Variants in FAM98C observed in about 807,000 individuals in gnomAD.
FAM98C encodes the protein protein FAM98C.
Under a neutral mutation model 41.1 loss-of-function variants are expected in FAM98C, and 38 were observed. The ratio of observed to expected loss-of-function variants is 0.92; its 90% CI spans 0.71 to 1.21. FAM98C has a LOEUF of 1.21. Ranked by LOEUF, FAM98C falls within the 50% of genes most tolerant of loss-of-function variation. FAM98C has a pLI of 0.00. For missense variants in FAM98C, 493 were observed against 484.7 expected, an observed-to-expected ratio of 1.02 and a Z score of -0.16; for synonymous variants, 195 against 216.7, an observed-to-expected ratio of 0.90 and a Z score of 0.88.
chr19:38,404,978 G>C lies in FAM98C; in HGVS notation c.420G>C (p.Arg140Ser), dbSNP rs751579130. Residue 140 changes from arginine (R) to serine (S), a missense_variant, in exon 4 of 8, where the codon AGG becomes AGC. By Grantham distance (110) the Arg-to-Ser change is moderately radical. Coordinates refer to ENST00000252530, the MANE Select transcript of FAM98C (RefSeq NM_174905.4). ...GCTCTCTGCTGGATCCGAGTCCTAG[G>C]CCACCCCTTGGTGAAGGGGTAGTGG... ...CLRSLLDPSPRPPLGEGVVEG... is the reference protein window; with the variant it reads ...CLRSLLDPSPSPPLGEGVVEG... 2 of 1,614,106 alleles carry C rather than the reference G, an allele frequency of 1.2e-6. No individual in the cohort carries two copies. The highest frequency in any genetic ancestry group is 1.7e-5 in the Admixed American group (1 of 60,008).
chr19:38,408,554 G>C, intron 7 of FAM98C, 197 bp from the exon 8 acceptor site: 1 of 635,000 alleles, frequency 1.6e-6, no homozygotes, highest in South Asian at 2.0e-5. Flanking sequence ...GTGAGACTCC[G>C]TCTCAAAAAA....
rs559497541 is a variant in FAM98C at position 38,408,775 on chromosome 19, CG to C, written c.950del (p.Gly317AlafsTer49). ...NKVLMGNVPD[R>X]GGRPNELEPP... ...GGTGCTTATGGGCAACGTTCCAGAC[CG>C]GGGGGGCCGCCCAAATGAGCTGGAG... On this transcript the variant is annotated frameshift_variant, in exon 8 of 8. Transcript: ENST00000252530. LOFTEE classifies it high-confidence loss of function. The C allele has an allele frequency of 3.1e-6, 5 of 1,613,576 alleles. No homozygotes were observed. The highest frequency in any genetic ancestry group is 1.7e-4 in the Middle Eastern group (1 of 6,056).
rs1324065545 is a variant in FAM98C, at chr19:38,408,743, ACT to A, written c.919-4_919-3del. 6.2e-7 allele frequency: 1 copy of A among 1,613,646 alleles called. No individual in the cohort carries two copies. Among genetic ancestry groups the A allele is most frequent in the African/African-American group, 1.3e-5 (1 of 74,864 alleles). ...TTTCTCTGCAACTCAAATCTCATAA[ACT>A]CTCAGGTGCTTATGGGCAACGTTCC... On this transcript the variant is annotated splice_polypyrimidine_tract_variant and splice_region_variant and intron_variant, in intron 7 of 7. Transcript: ENST00000252530.
intron 3 of FAM98C, 33 bp from the exon 4 acceptor site, chr19:38,404,875 C>T (rs2145174649): frequency 6.2e-7 from 1 of 1,611,910 alleles, no homozygotes. Flanking sequence ...TAGCAGCCTC[C>T]CTGAGTGCAC....
chr19:38,403,476 C>A lies in FAM98C; in HGVS notation c.204C>A (p.Ser68Arg), dbSNP rs927877581. The change falls in exon 2 of 8, where the codon AGC becomes AGA. Residue 68 changes from serine (S) to arginine (R), a missense_variant. Coordinates refer to ENST00000252530, the MANE Select transcript of FAM98C (RefSeq NM_174905.4). ...QQREAGAEVL[S>R]AGDGPGAEED... The stretch of plus-strand genomic sequence containing the variant: ...GAGAGGCGGGCGCGGAGGTGCTGAG[C>A]GCCGGCGACGGTAAACACGGAGCGG... 23 of 1,405,648 alleles carry A rather than the reference C, an allele frequency of 1.6e-5. No individual in the cohort carries two copies. The African/African-American group carries it at 3.3e-4, about 20-fold the overall frequency. The allele number at this position is 1,405,648 out of a possible 1,614,324, so 87.1% of individuals were successfully genotyped here.
At position 38,408,910 on chromosome 19, in the gene FAM98C, G is replaced by A. The variant is rs1971100928; in HGVS notation, c.*28G>A. ...GGGGACTGGTGGTCGGGGGCGGGGG[G>A]TCCTCCATGAGATGCTAATGCTATC... is the stretch of plus-strand genomic sequence containing the variant. On this transcript the variant is annotated 3_prime_UTR_variant, in exon 8 of 8. Coordinates refer to ENST00000252530, the MANE Select transcript of FAM98C (RefSeq NM_174905.4). The A allele has an allele frequency of 6.5e-7, 1 of 1,539,260 alleles. No individual in the cohort carries two copies. Among genetic ancestry groups the A allele is most frequent in the South Asian group, 1.3e-5 (1 of 78,524 alleles).
intron 6 of FAM98C, 147 bp downstream of exon 6, chr19:38,405,782 C>T (rs956212015): frequency 2.8e-6 from 2 of 703,156 alleles, no homozygotes; most frequent in South Asian, 3.7e-5. Flanking sequence ...GTTTGGGGCT[C>T]CTAGAATCTC....
rs553617989 is a variant in FAM98C at position 38,405,167 on chromosome 19, G to A, written c.555+54G>A. On this transcript the variant is annotated intron_variant, in intron 4 of 7. Transcript: ENST00000252530. ...GGGCTACCCCACTTTCCTTGTGGGG[G>A]TGGGGGTCCTCTCTCCACTTCTGGA... 2.6e-5 allele frequency: 40 copies of A among 1,563,386 alleles called. 1 individual carries two copies. In the African/African-American group the frequency reaches 2.7e-4, roughly 11 times the overall value.
rs1183538138 is a variant in FAM98C, at chr19:38,403,544, A to T, written c.215-16A>T. 3.4e-6 allele frequency: 5 copies of T among 1,479,546 alleles called. No homozygotes were observed. Among genetic ancestry groups the T allele is most frequent in the Non-Finnish European group, 4.4e-6 (5 of 1,124,206 alleles). 91.7% of individuals were successfully genotyped at this position (1,479,546 alleles called of 1,614,324 possible). On this transcript the variant is annotated splice_polypyrimidine_tract_variant and intron_variant, in intron 2 of 7. Transcript: ENST00000252530. ...CGCCACGGGGCCACCGAGCCCTGAC[A>T]CCCCTGTCCTCGCAGGCCCTGGCGC...
At chr19:38,408,616 C>G (rs1971087097) in intron 7 of FAM98C, 135 bp from the exon 8 acceptor site, 2 of 1,138,422 alleles carry the variant, frequency 1.8e-6, no homozygotes, top group Admixed American at 2.0e-5. Flanking sequence ...GTTCAGTCCC[C>G]CCTCCCCCAG....
intron 6 of FAM98C, 135 bp downstream of exon 6, chr19:38,405,770 A>C (rs1031799500): frequency 5.0e-6 from 4 of 794,464 alleles, no homozygotes; most frequent in Non-Finnish European, 4.0e-6. Context: ...TAATTTTTTG[A>C]GGTTTGGGGC....
intron 6 of FAM98C, 38 bp from the exon 7 acceptor site, chr19:38,406,872 G>T: frequency 1.3e-6 from 2 of 1,598,708 alleles, no homozygotes; most frequent in South Asian, 2.2e-5. Context: ...GTGGGGAAGG[G>T]CTCCAGGGTA....
chr19:38,406,675 C>T, intron 6 of FAM98C: 1 of 448,704 alleles, frequency 2.2e-6, no homozygotes, highest in Non-Finnish European at 4.0e-6. Context: ...ATCTCAGTTA[C>T]TCAGGAGGCT....
Position 38,408,633 on chromosome 19 carries a change from T to C in FAM98C, c.919-118T>C, listed in dbSNP as rs572596834. 3.4e-5 allele frequency: 45 copies of C among 1,329,724 alleles called. 1 individual carries two copies. The highest frequency in any genetic ancestry group is 1.9e-4 in the Middle Eastern group (1 of 5,402). 82.4% of individuals were successfully genotyped at this position (1,329,724 alleles called of 1,614,324 possible). A position where few individuals can be genotyped will look rare whatever the true frequency, so the allele number is the denominator to read the frequency against. On this transcript the variant is annotated intron_variant, in intron 7 of 7. Transcript: ENST00000252530. ...TCAGTCCCCCCTCCCCCAGCCACTG[T>C]ACTCAAATAGTCAACATCTGCTGTT... is the stretch of plus-strand genomic sequence containing the variant.
In FAM98C at chr19:38,403,115, G is replaced by T; in HGVS notation, c.-39G>T. On this transcript the variant is annotated 5_prime_UTR_variant, in exon 1 of 8. Transcript: ENST00000252530. ...GCGCGGCGCTTTTGGGGCGGAGCCT[G>T]CCACCGGCCGCCAGGGGGCGCGCCG... 2 of 1,493,504 alleles carry T rather than the reference G, an allele frequency of 1.3e-6. No homozygotes were observed. Among genetic ancestry groups the T allele is most frequent in the Non-Finnish European group, 1.8e-6 (2 of 1,137,018 alleles). The allele number at this position is 1,493,504 out of a possible 1,614,324, so 92.5% of individuals were successfully genotyped here.
Position 38,405,512 on chromosome 19 carries a change from C to T in FAM98C, c.634-7C>T. 6.2e-7 allele frequency: 1 copy of T among 1,614,198 alleles called. No homozygotes were observed. The highest frequency in any genetic ancestry group is 8.5e-7 in the Non-Finnish European group (1 of 1,180,024). On this transcript the variant is annotated splice_region_variant and splice_polypyrimidine_tract_variant and intron_variant, in intron 5 of 7. Coordinates refer to ENST00000252530, the MANE Select transcript of FAM98C (RefSeq NM_174905.4). ...CCCTAGCCTGACCTTGAGACCTTTTCTCCCAGGAAGCGTTGGAGTCTCTGT... is the reference window on the plus strand; with the variant it reads ...CCCTAGCCTGACCTTGAGACCTTTTTTCCCAGGAAGCGTTGGAGTCTCTGT...
In FAM98C at chr19:38,408,623, C is replaced by A. The variant is rs1482257880; in HGVS notation, c.919-128C>A. On this transcript the variant is annotated intron_variant, in intron 7 of 7. Coordinates refer to ENST00000252530, the MANE Select transcript of FAM98C (RefSeq NM_174905.4). ...TTCCACCAGTTCAGTCCCCCCTCCC[C>A]CAGCCACTGTACTCAAATAGTCAAC... 1.2e-5 allele frequency: 15 copies of A among 1,236,470 alleles called. No individual in the cohort carries two copies. In the African/African-American group the frequency reaches 2.2e-4, roughly 18 times the overall value. 76.6% of individuals were successfully genotyped at this position (1,236,470 alleles called of 1,614,324 possible). A position where few individuals can be genotyped will look rare whatever the true frequency, so the allele number is the denominator to read the frequency against.
At chr19:38,403,508 G>T in intron 2 of FAM98C, 22 bp downstream of exon 2, 1 of 1,420,726 alleles carries the variant, frequency 7.0e-7, no homozygotes, top group South Asian at 1.5e-5. Context: ...GCGGGAGGGT[G>T]GCAGGGGGGC....
At position 38,408,862 on chromosome 19, in the gene FAM98C, AAG is replaced by A; in HGVS notation, c.1032_1033del (p.Lys345GlufsTer18). The A allele has an allele frequency of 1.8e-6, 2 of 1,098,562 alleles. No individual in the cohort carries two copies. Among genetic ancestry groups the A allele is most frequent in the African/African-American group, 1.9e-5 (1 of 51,534 alleles). 68.1% of individuals were successfully genotyped at this position (1,098,562 alleles called of 1,614,324 possible). On this transcript the variant is annotated frameshift_variant, in exon 8 of 8. Coordinates refer to ENST00000252530, the MANE Select transcript of FAM98C (RefSeq NM_174905.4). LOFTEE classifies it high-confidence loss of function. ...TGGAGGCCCCCAGTGTTGGGGTCGC[AAG>A]AAGAAGAAGAAGAAGTAAAGGGGGA... is the stretch of plus-strand genomic sequence containing the variant. Reference protein sequence around the residue: ...EDGGPQCWGRKKKKKK With the variant: ...EDGGPQCWGRXKKKKK
Sources: allele counts gnomAD v4.1 joint callset, GRCh38; gene constraint gnomAD v4.1.1; transcripts MANE v1.5; gene names NCBI Gene and HGNC (gene_info 2026-07-23, HGNC 2026-07-21).